F13A1: variants seen among roughly 807,000 people sequenced by gnomAD.
F13A1 encodes coagulation factor XIII A chain.
Under a neutral mutation model 80.1 loss-of-function variants are expected in F13A1, and 47 were observed. That is an observed-to-expected ratio of 0.59 (90% CI 0.46 to 0.75). The LOEUF is 0.75. Ranked by LOEUF, F13A1 falls within the 30% of genes least tolerant of loss-of-function variation. The probability of loss-of-function intolerance (pLI) is 0.00; values close to 1 mark genes in which losing one functional copy is unlikely to be tolerated. For synonymous variants in F13A1, 349 were observed against 344.9 expected (o/e 1.01, Z -0.13); for missense variants, 817 against 930.4 (o/e 0.88, Z 1.59).
intron 3 of F13A1, among the ~76,000 whole-genome samples, chr6:6,284,747 C>T (rs1320355833): frequency 6.6e-6 from 1 of 152,190 alleles, no homozygotes; most frequent in Non-Finnish European, 1.5e-5. Context: ...ACCAAGAATG[C>T]CGTCCTCCTT....
At chr6:6,319,190 A>G (rs1026696821) in intron 1 of F13A1, among the ~76,000 whole-genome samples, 1 of 152,228 alleles carries the variant, frequency 6.6e-6, no homozygotes, top group African/African-American at 2.4e-5. Context: ...TTGAGGGCCT[A>G]TGACATGCCA....
intron 6 of F13A1, among the ~76,000 whole-genome samples, chr6:6,244,648 A>G (rs1169369016): frequency 2.6e-5 from 4 of 152,250 alleles, no homozygotes; most frequent in African/African-American, 9.6e-5. Flanking sequence ...AGGAAAAAAT[A>G]GAAGAAGGGA....
At chr6:6,242,720 C>T (rs992928768) in intron 6 of F13A1, among the ~76,000 whole-genome samples, 4 of 152,162 alleles carry the variant, frequency 2.6e-5, no homozygotes, top group Admixed American at 2.6e-4. Flanking sequence ...CCCTCTACTA[C>T]ATTTTTCTTC....
At chr6:6,280,264 C>T (rs1455097584) in intron 3 of F13A1, among the ~76,000 whole-genome samples, 1 of 152,072 alleles carries the variant, frequency 6.6e-6, no homozygotes, top group Non-Finnish European at 1.5e-5. Flanking sequence ...ATTTCCTGTG[C>T]TCAATGGGTT....
chr6:6,299,545 T>C (rs1452791967), intron 3 of F13A1, among the ~76,000 whole-genome samples: 1 of 136,020 alleles, frequency 7.4e-6, no homozygotes, highest in African/African-American at 3.4e-5. Flanking sequence ...TCGCATCGGC[T>C]CCTGAGGCTT....
chr6:6,255,947 C>T (rs1176707264), intron 4 of F13A1, among the ~76,000 whole-genome samples: 1 of 152,058 alleles, frequency 6.6e-6, no homozygotes, highest in African/African-American at 2.4e-5. Flanking sequence ...AAAATTGTAT[C>T]ACGATGGAAA....
At chr6:6,304,860 C>CAAAAAAAA (rs10719492) in intron 3 of F13A1, among the ~76,000 whole-genome samples, 21 of 103,244 alleles carry the variant, frequency 2.0e-4, no homozygotes, top group African/African-American at 8.3e-4. Context: ...GACTCTGTCT[C>CAAAAAAAA]AAAAAAAAAA....
At chr6:6,265,818 T>G (rs1048916490) in intron 4 of F13A1, among the ~76,000 whole-genome samples, 2 of 152,186 alleles carry the variant, frequency 1.3e-5, no homozygotes, top group Non-Finnish European at 2.9e-5. Flanking sequence ...TCGACTTTAT[T>G]TTATTTTTCT....
At chr6:6,299,784 G>T (rs1047909351) in intron 3 of F13A1, among the ~76,000 whole-genome samples, 1 of 148,318 alleles carries the variant, frequency 6.7e-6, no homozygotes, top group Non-Finnish European at 1.5e-5. Context: ...TTGTTCCGTT[G>T]CTGGTGAGGA....
intron 3 of F13A1, 138 bp from the exon 4 acceptor site, chr6:6,266,947 C>T (rs978355602): frequency 1.6e-6 from 2 of 1,254,054 alleles, no homozygotes; most frequent in Admixed American, 3.7e-5. Context: ...ACAAATCAGG[C>T]AAGTCTGCAA....
chr6:6,218,565 C>G (rs1217385026), intron 8 of F13A1, among the ~76,000 whole-genome samples: 1 of 152,198 alleles, frequency 6.6e-6, no homozygotes, highest in Non-Finnish European at 1.5e-5. Flanking sequence ...TCTAATTACT[C>G]TGCCCTGCTC....
intron 3 of F13A1, among the ~76,000 whole-genome samples, chr6:6,302,176 C>A (rs1393910309): frequency 6.6e-6 from 1 of 152,212 alleles, no homozygotes; most frequent in African/African-American, 2.4e-5. Flanking sequence ...TGAAGCTTCC[C>A]TCTCCTCTTC....
In F13A1 at chr6:6,266,585, AC is replaced by A; in HGVS notation, c.543del (p.Tyr182ThrfsTer26). ...LRTSRNPETD[T>X]YILFNPWCED... Reference sequence around the variant, plus strand: ...TCACACCAAGGATTGAAGAGAATGTACGTGTCTGTTTCTGGGTTTCGACTGG... The same window carrying A: ...TCACACCAAGGATTGAAGAGAATGTAGTGTCTGTTTCTGGGTTTCGACTGG... On this transcript the variant is annotated frameshift_variant, in exon 4 of 15. Coordinates refer to ENST00000264870, the MANE Select transcript of F13A1 (RefSeq NM_000129.4). LOFTEE classifies it high-confidence loss of function. The A allele has an allele frequency of 6.2e-7, 1 of 1,614,236 alleles. No individual in the cohort carries two copies. The highest frequency in any genetic ancestry group is 8.5e-7 in the Non-Finnish European group (1 of 1,180,038).
chr6:6,172,210 T>C (rs1362707469), intron 12 of F13A1, among the ~76,000 whole-genome samples: 3 of 152,096 alleles, frequency 2.0e-5, no homozygotes, highest in Admixed American at 6.5e-5. Context: ...CAGCTCAGAG[T>C]GCTTAAGTAC....
intron 11 of F13A1, among the ~76,000 whole-genome samples, chr6:6,177,319 A>G (rs1760899036): frequency 6.6e-6 from 1 of 152,068 alleles, no homozygotes; most frequent in South Asian, 2.1e-4. Flanking sequence ...ACCTTGTGTA[A>G]TGTGTCCTCA....
chr6:6,153,698 T>C (rs1308453061), intron 13 of F13A1, among the ~76,000 whole-genome samples: 3 of 152,162 alleles, frequency 2.0e-5, no homozygotes, highest in South Asian at 2.1e-4. Context: ...TCCAGCACTT[T>C]AACCAGCAAT....
intron 8 of F13A1, among the ~76,000 whole-genome samples, chr6:6,204,422 G>A (rs1460410016): frequency 6.6e-6 from 1 of 152,228 alleles, no homozygotes; most frequent in East Asian, 1.9e-4. Flanking sequence ...AAAACTGGCA[G>A]GGGGTGAAAG....
At chr6:6,199,980 T>C (rs1761363350) in intron 8 of F13A1, among the ~76,000 whole-genome samples, 2 of 152,118 alleles carry the variant, frequency 1.3e-5, no homozygotes, top group South Asian at 2.1e-4. Flanking sequence ...CCAAGTAGTA[T>C]GATGGTTTTG....
chr6:6,305,574 A>T, intron 2 of F13A1, 35 bp from the exon 3 acceptor site: 1 of 1,602,860 alleles, frequency 6.2e-7, no homozygotes. Context: ...GAAGAAAATA[A>T]TCAACTAACT....
Sources: allele counts gnomAD v4.1 joint callset (sites outside exome capture counted in the v4.1 genomes callset), GRCh38; gene constraint gnomAD v4.1.1; transcripts MANE v1.5; gene names NCBI Gene and HGNC (gene_info 2026-07-23, HGNC 2026-07-21).